The following ZC3H7A variants were observed in gnomAD, a reference collection of about 807,000 sequenced individuals.
ZC3H7A encodes zinc finger CCCH domain-containing protein 7A.
A neutral mutation model predicts 125.5 loss-of-function variants in ZC3H7A; 44 were observed. The ratio of observed to expected loss-of-function variants is 0.35; its 90% CI spans 0.28 to 0.45. The LOEUF (loss-of-function observed/expected upper bound fraction) is 0.45, where lower values mean the gene tolerates loss of function less well. Among genes scored for constraint, ZC3H7A ranks in the 20% least tolerant of loss-of-function variants. The pLI, the probability that ZC3H7A is intolerant of heterozygous loss-of-function variation, is 1.00. For synonymous variants in ZC3H7A, 399 were observed against 391.2 expected (o/e 1.02, Z -0.23); for missense variants, 977 against 1,170.7 (o/e 0.83, Z 2.41).
intron 3 of ZC3H7A, 107 bp from the exon 4 acceptor site, chr16:11,779,470 C>T (rs1346077275): frequency 4.3e-6 from 4 of 935,172 alleles, no homozygotes; most frequent in Non-Finnish European, 6.4e-6. Context: ...TGTGACAGAA[C>T]AGCAGCATTG....
intron 19 of ZC3H7A, chr16:11,759,941 C>T (rs1237816096): frequency 6.6e-6 from 1 of 151,582 alleles, no homozygotes; most frequent in Non-Finnish European, 1.5e-5. Flanking sequence ...GGTGAAGCTT[C>T]GTCTCTACTA....
chr16:11,763,762 TATATATA>T (rs2052799091), intron 15 of ZC3H7A, 103 bp from the exon 16 acceptor site: 1 of 163,064 alleles, frequency 6.1e-6, no homozygotes, highest in Non-Finnish European at 1.0e-5. Context: ...TATATATATA[TATATATA>T]AAGTTCTACA....
rs2053055294 is a variant in ZC3H7A, at chr16:11,774,980, C to T, written c.619G>A (p.Asp207Asn). 2 of 1,614,120 alleles carry T rather than the reference C, an allele frequency of 1.2e-6. No homozygotes were observed. Among genetic ancestry groups the T allele is most frequent in the South Asian group, 1.1e-5 (1 of 91,070 alleles). Residue 207 changes from aspartate (D) to asparagine (N), a missense_variant and splice_region_variant, in exon 8 of 23, where the codon GAT becomes AAT. Around this residue, in one of 3 missense-constraint regions of ZC3H7A, gnomAD observed 199 missense variants for 256.1 expected, o/e 0.78. Coordinates refer to ENST00000355758, the MANE Select transcript of ZC3H7A (RefSeq NM_014153.4). ...LNHSVEDIEP[D>N]LLTPRQEAVP... Reference sequence around the variant, plus strand: ...GTTAAGATGATATGTGAAAACATACCTGGCTCAATATCTTCCACAGAATGG... The same window carrying T: ...GTTAAGATGATATGTGAAAACATACTTGGCTCAATATCTTCCACAGAATGG...
chr16:11,757,409 G>A (rs58713670), intron 20 of ZC3H7A, among the ~76,000 whole-genome samples: 21,946 of 149,800 alleles, frequency 0.15, 1,817 homozygotes, highest in South Asian at 0.35. Context: ...GTGTGAACCC[G>A]GGAGGCGGAG....
intron 7 of ZC3H7A, chr16:11,775,689 C>T (rs2053068185): frequency 6.6e-6 from 1 of 152,014 alleles, no homozygotes; most frequent in Non-Finnish European, 1.5e-5. Flanking sequence ...AAAAAAAAAC[C>T]CTTTGTTAAT....
At chr16:11,758,306 T>G (rs895021085) in intron 20 of ZC3H7A, 125 bp downstream of exon 20, 1 of 725,062 alleles carries the variant, frequency 1.4e-6, no homozygotes, top group East Asian at 2.7e-5. Context: ...GAGCTACTGA[T>G]GAAACGGGGC....
chr16:11,776,300 G>C lies in ZC3H7A; in HGVS notation c.585+20C>G, dbSNP rs199963830. On this transcript the variant is annotated intron_variant, in intron 7 of 22. Transcript: ENST00000355758. ...TCCCTTTAAAAAAAAATATAATTTT[G>C]ACAGAAAAAATAACTTTACCTTGGT... The C allele has an allele frequency of 6.3e-7, 1 of 1,587,810 alleles. No individual in the cohort carries two copies. The highest frequency in any genetic ancestry group is 1.2e-5 in the South Asian group (1 of 85,204).
chr16:11,786,293 G>C (rs4781151), intron 1 of ZC3H7A, among the ~76,000 whole-genome samples: 26,288 of 152,132 alleles, frequency 0.17, 2,919 homozygotes, highest in East Asian at 0.48. Context: ...TGCCAGAGCA[G>C]TCAGGCCAGA....
At chr16:11,796,285 G>T (rs766872628) in intron 1 of ZC3H7A, 2 of 152,190 alleles carry the variant, frequency 1.3e-5, no homozygotes, top group Non-Finnish European at 1.5e-5. Flanking sequence ...TCACAGCTGG[G>T]ACCGCAACTG....
In ZC3H7A at chr16:11,761,408, C is replaced by T. The variant is rs1266677127; in HGVS notation, c.2317G>A (p.Asp773Asn). The change falls in exon 19 of 23, where the codon GAT (aspartate) becomes AAT (asparagine). Residue 773 changes from aspartate to asparagine, a missense_variant and splice_region_variant. By Grantham distance (23) the Asp-to-Asn change is conservative (BLOSUM62 1). This residue lies in a region of ZC3H7A where 436 missense variants were observed against 603.2 expected (regional missense o/e 0.72). Transcript: ENST00000355758. ...TGGCTTAAAAATTACGTATGTACAT[C>T]AAACTGTAAAGGCATTTGTTTCTTT... ...PTKKQMPLQF[D>N]LCNHIASGKK... is the part of the protein sequence containing the mutation. 1.2e-6 allele frequency: 2 copies of T among 1,613,586 alleles called. No homozygotes were observed. The highest frequency in any genetic ancestry group is 2.2e-5 in the South Asian group (2 of 90,960).
At position 11,791,088 on chromosome 16, in the gene ZC3H7A, A is replaced by AACACACACACAC. The variant is rs34972921; in HGVS notation, c.-35+6024_-35+6035dup. Among the ~76,000 whole-genome samples the AACACACACACAC allele has an allele frequency of 2.3e-3, 315 of 136,110 alleles. 2 individuals carry two copies. The highest frequency in any genetic ancestry group is 8.1e-3 in the East Asian group (36 of 4,458). 89.3% of individuals were successfully genotyped at this position (136,110 alleles called of 152,430 possible). On this transcript the variant is annotated intron_variant, in intron 1 of 22. Transcript: ENST00000355758. ...CCCTGTCTCTAAAATAAATTTTTAAAACACACACACACACACACACACACA... is the reference window on the plus strand; with the variant it reads ...CCCTGTCTCTAAAATAAATTTTTAAAACACACACACACACACACACACACACACACACACACA...
At chr16:11,794,172 AC>A (rs2053396941) in intron 1 of ZC3H7A, among the ~76,000 whole-genome samples, 1 of 152,162 alleles carries the variant, frequency 6.6e-6, no homozygotes, top group African/African-American at 2.4e-5. Flanking sequence ...ACCACGATGT[AC>A]CCAAGACCGC....
At chr16:11,761,806 C>G in intron 18 of ZC3H7A, 104 bp downstream of exon 18, 1 of 1,459,852 alleles carries the variant, frequency 6.9e-7, no homozygotes. Context: ...ATCTATTTTT[C>G]TCTCCTCTCT....
At chr16:11,758,714 G>T in intron 19 of ZC3H7A, 175 bp from the exon 20 acceptor site, 1 of 555,008 alleles carries the variant, frequency 1.8e-6, no homozygotes, top group Non-Finnish European at 3.1e-6. Context: ...TATATGAAAT[G>T]ATATTAAGGT....
chr16:11,754,663 G>A (rs1213495813), intron 21 of ZC3H7A, among the ~76,000 whole-genome samples: 5 of 152,028 alleles, frequency 3.3e-5, no homozygotes, highest in African/African-American at 4.8e-5. Context: ...AGGCTGAGGC[G>A]GGCAGATCAC....
intron 1 of ZC3H7A, among the ~76,000 whole-genome samples, chr16:11,792,305 C>T (rs1181983670): frequency 6.6e-6 from 1 of 152,212 alleles, no homozygotes; most frequent in Non-Finnish European, 1.5e-5. Flanking sequence ...AATATCATCT[C>T]TCTGGGATCA....
chr16:11,796,036 T>C (rs537978603), intron 1 of ZC3H7A, among the ~76,000 whole-genome samples: 3 of 152,268 alleles, frequency 2.0e-5, no homozygotes, highest in African/African-American at 7.2e-5. Flanking sequence ...TCTCACTATG[T>C]TGCTGAGGCT....
At chr16:11,774,574 A>AC in intron 8 of ZC3H7A, 55 bp from the exon 9 acceptor site, 1 of 1,456,722 alleles carries the variant, frequency 6.9e-7, no homozygotes, top group Non-Finnish European at 9.1e-7. Context: ...ACATAATAAT[A>AC]CCATTAATCC....
intron 19 of ZC3H7A, chr16:11,758,861 C>G: frequency 3.8e-6 from 1 of 265,640 alleles, no homozygotes; most frequent in Non-Finnish European, 7.1e-6. Flanking sequence ...CCCTCTCAGT[C>G]TGACAGCTCC....
Sources: allele counts gnomAD v4.1 joint callset (sites outside exome capture counted in the v4.1 genomes callset), GRCh38; gene constraint gnomAD v4.1.1; regional missense constraint gnomAD v4.1.1; transcripts MANE v1.5; gene names NCBI Gene and HGNC (gene_info 2026-07-23, HGNC 2026-07-21).